Variants in BRWD1 observed in about 807,000 individuals in gnomAD.
BRWD1 encodes bromodomain and WD repeat-containing protein 1.
Under a neutral mutation model 251.2 loss-of-function variants are expected in BRWD1, and 82 were observed. That is an observed-to-expected ratio of 0.33 (90% CI 0.27 to 0.39). The LOEUF is 0.39. Ranked by LOEUF, BRWD1 falls within the 10% of genes least tolerant of loss-of-function variation. The pLI, the probability that BRWD1 is intolerant of heterozygous loss-of-function variation, is 1.00. For synonymous variants in BRWD1, 918 were observed against 902.8 expected, an observed-to-expected ratio of 1.02 and a Z score of -0.30; for missense variants, 2,233 against 2,711.6, an observed-to-expected ratio of 0.82 and a Z score of 3.92.
chr21:39,289,880 C>T (rs1008280764), intron 8 of BRWD1, among the ~76,000 whole-genome samples: 2 of 151,806 alleles, frequency 1.3e-5, no homozygotes, highest in Admixed American at 1.3e-4. Context: ...AAAAAATTAG[C>T]CGGACGTGGT....
At position 39,305,067 on chromosome 21, in the gene BRWD1, C is replaced by A. The variant is rs2036243644; in HGVS notation, c.199-6485G>T. On this transcript the variant is annotated intron_variant, in intron 4 of 40. Coordinates refer to ENST00000342449, the MANE Select transcript of BRWD1 (RefSeq NM_033656.4). ...CTCCGCCTCTTGGATTCAAGCAATTCTCCTGCCTCAACCTCCCAAGTAGCT... is the reference window on the plus strand; with the variant it reads ...CTCCGCCTCTTGGATTCAAGCAATTATCCTGCCTCAACCTCCCAAGTAGCT... 2.7e-5 allele frequency among the ~76,000 whole-genome samples: 4 copies of A among 146,490 alleles called. No individual in the cohort carries two copies. The South Asian group carries it at 8.7e-4, about 32-fold the overall frequency.
chr21:39,247,477 A>C (rs1203933667), intron 21 of BRWD1, among the ~76,000 whole-genome samples: 2 of 152,218 alleles, frequency 1.3e-5, no homozygotes, highest in Admixed American at 6.5e-5. Context: ...CAAAATTCTG[A>C]GTTGGGATGC....
Position 39,281,920 on chromosome 21 carries a change from ACG to A in BRWD1, c.832-1674_832-1673del, listed in dbSNP as rs376577731. ...TATGTATGTATACATGTATATATAT[ACG>A]TATACATACATATACATGTGTATAT... On this transcript the variant is annotated intron_variant, in intron 8 of 40. Transcript: ENST00000342449. Among the ~76,000 whole-genome samples, 151 of 74,630 alleles carry A rather than the reference ACG, an allele frequency of 2.0e-3. 1 individual carries two copies. Among genetic ancestry groups the A allele is most frequent in the Middle Eastern group, 7.8e-3 (1 of 128 alleles). The allele number at this position is 74,630 out of a possible 152,430, so 49.0% of individuals were successfully genotyped here. A position where few individuals can be genotyped will look rare whatever the true frequency, so the allele number is the denominator to read the frequency against.
At chr21:39,226,753 C>G (rs1454017549) in intron 27 of BRWD1, among the ~76,000 whole-genome samples, 1 of 152,136 alleles carries the variant, frequency 6.6e-6, no homozygotes, top group African/African-American at 2.4e-5. Flanking sequence ...GAGCCACACG[C>G]CCTGACAATC....
At chr21:39,287,763 T>A (rs2146727783) in intron 8 of BRWD1, among the ~76,000 whole-genome samples, 1 of 152,250 alleles carries the variant, frequency 6.6e-6, no homozygotes, top group Non-Finnish European at 1.5e-5. Context: ...CTTATCTTCA[T>A]AATTTCTTTC....
rs2032047520 is a variant in BRWD1, at chr21:39,200,339, A to C, written c.4633T>G (p.Ser1545Ala). 6.2e-7 allele frequency: 1 copy of C among 1,613,876 alleles called. No homozygotes were observed. The highest frequency in any genetic ancestry group is 1.3e-5 in the African/African-American group (1 of 74,908). The part of the protein sequence containing the change: ...SLATSLSSSA[S>A]SSSEESKESS... ...TCTTTGCTTTCCTCAGAACTACTGG[A>C]AGCTGACGATGACAAAGAGGTAGCT... The change falls in exon 39 of 41, where the codon TCC becomes GCC. Residue 1545 changes from serine to alanine, a missense_variant. Around this residue, in one of 12 missense-constraint regions of BRWD1, gnomAD observed 928 missense variants for 970.0 expected, o/e 0.96. Coordinates refer to ENST00000342449, the MANE Select transcript of BRWD1 (RefSeq NM_033656.4).
At chr21:39,225,765 T>G (rs1432410347) in intron 27 of BRWD1, among the ~76,000 whole-genome samples, 2 of 152,146 alleles carry the variant, frequency 1.3e-5, no homozygotes, top group Admixed American at 6.6e-5. Context: ...GACCTACATG[T>G]TTTAGTCTTT....
At chr21:39,315,917 A>G (rs1189924509), upstream of BRWD1, 1 of 152,214 alleles carries the variant, frequency 6.6e-6, no homozygotes, top group South Asian at 2.1e-4. Flanking sequence ...CCAGGCTACA[A>G]TGTGTGGAAA....
intron 9 of BRWD1, 42 bp from the exon 10 acceptor site, chr21:39,278,855 C>T: frequency 7.1e-7 from 1 of 1,407,938 alleles, no homozygotes; most frequent in East Asian, 2.3e-5. Flanking sequence ...GATTATTTTA[C>T]CACATTAACA....
At chr21:39,315,800 C>G (rs895615823), upstream of BRWD1, 5 of 151,430 alleles carry the variant, frequency 3.3e-5, no homozygotes, top group African/African-American at 1.2e-4. Context: ...TTCAGCGTCT[C>G]TTAGGGGAAA....
intron 5 of BRWD1, chr21:39,297,613 G>C (rs2035994374): frequency 4.3e-6 from 1 of 234,386 alleles, no homozygotes; most frequent in Non-Finnish European, 7.0e-6. Flanking sequence ...GGGTGACATG[G>C]CTAGAGCACT....
Position 39,196,103 on chromosome 21 carries a change from A to T in BRWD1, c.*156T>A. 7.2e-7 allele frequency: 1 copy of T among 1,393,680 alleles called. No individual in the cohort carries two copies. Among genetic ancestry groups the T allele is most frequent in the East Asian group, 2.7e-5 (1 of 36,964 alleles). 86.3% of individuals were successfully genotyped at this position (1,393,680 alleles called of 1,614,324 possible). A position where few individuals can be genotyped will look rare whatever the true frequency, so the allele number is the denominator to read the frequency against. ...GCTACAAAGACCAGCAAGTGCAAAT[A>T]AAAATAACAGTCATGATTTAGTCAC... On this transcript the variant is annotated 3_prime_UTR_variant, in exon 41 of 41. Transcript: ENST00000342449.
At position 39,199,217 on chromosome 21, in the gene BRWD1, C is replaced by A. The variant is rs1219914182; in HGVS notation, c.5199G>T (p.Trp1733Cys). The part of the protein sequence containing the change: ...ESDLRVARKN[W>C]HANGYKSHTP... ...TATGGGACTTGTAACCATTAGCATG[C>A]CAATTTTTCCGGGCTACCCGCAAAT... The change falls in exon 40 of 41, where the codon TGG (tryptophan) becomes TGT (cysteine). Residue 1733 changes from tryptophan (W) to cysteine (C), a missense_variant. Around this residue, in one of 12 missense-constraint regions of BRWD1, gnomAD observed 928 missense variants for 970.0 expected, o/e 0.96. Transcript: ENST00000342449. 1 of 1,614,014 alleles carries A rather than the reference C, an allele frequency of 6.2e-7. No homozygotes were observed. The highest frequency in any genetic ancestry group is 1.3e-5 in the African/African-American group (1 of 74,896).
At chr21:39,296,420 T>G (rs959567149) in intron 5 of BRWD1, 57 bp from the exon 6 acceptor site, 4 of 1,485,170 alleles carry the variant, frequency 2.7e-6, no homozygotes, top group Non-Finnish European at 3.6e-6. Flanking sequence ...CAAGAAAGAT[T>G]TTATAGAATA....
intron 5 of BRWD1, chr21:39,297,565 AGAG>A: frequency 3.2e-6 from 1 of 311,622 alleles, no homozygotes; most frequent in East Asian, 1.7e-4. Context: ...GGGACACAGA[AGAG>A]GAAGAATATA....
intron 26 of BRWD1, 87 bp from the exon 27 acceptor site, chr21:39,228,669 T>G (rs1475286833): frequency 1.4e-5 from 9 of 641,604 alleles, no homozygotes; most frequent in Non-Finnish European, 2.5e-5. Flanking sequence ...AAACATGAGA[T>G]CTACGAATGT....
intron 32 of BRWD1, among the ~76,000 whole-genome samples, chr21:39,214,942 C>T (rs2032822010): frequency 1.4e-5 from 2 of 146,624 alleles, no homozygotes; most frequent in African/African-American, 2.5e-5. Flanking sequence ...AGTGCAATGG[C>T]ACGATCCACA....
chr21:39,197,966 A>T (rs2031908015), intron 40 of BRWD1, among the ~76,000 whole-genome samples: 1 of 152,176 alleles, frequency 6.6e-6, no homozygotes, highest in African/African-American at 2.4e-5. Flanking sequence ...AATTCAACAC[A>T]TTCTCAATAA....
At chr21:39,306,201 C>G (rs2036282472) in intron 4 of BRWD1, among the ~76,000 whole-genome samples, 1 of 151,648 alleles carries the variant, frequency 6.6e-6, no homozygotes, top group East Asian at 1.9e-4. Flanking sequence ...TCCCGAGTAG[C>G]TGGGACTACA....
Sources: allele counts gnomAD v4.1 joint callset (sites outside exome capture counted in the v4.1 genomes callset), GRCh38; gene constraint gnomAD v4.1.1; regional missense constraint gnomAD v4.1.1; transcripts MANE v1.5; gene names NCBI Gene and HGNC (gene_info 2026-07-23, HGNC 2026-07-21).